Variants in ZFYVE9 observed in about 807,000 individuals in gnomAD.
ZFYVE9 encodes the protein zinc finger FYVE-type containing 9.
In ZFYVE9, 43 loss-of-function variants were observed where a neutral mutation model predicts 126.7. The observed-to-expected ratio is 0.34, with a 90% CI of 0.27 to 0.44. The LOEUF (loss-of-function observed/expected upper bound fraction) is 0.44, where lower values mean the gene tolerates loss of function less well. Among genes scored for constraint, ZFYVE9 ranks in the 20% least tolerant of loss-of-function variants. ZFYVE9 has a pLI of 1.00. For synonymous variants in ZFYVE9, 521 were observed against 597.4 expected (o/e 0.87, Z 1.87); for missense variants, 1,476 against 1,697.0 (o/e 0.87, Z 2.29).
intron 1 of ZFYVE9, among the ~76,000 whole-genome samples, chr1:52,199,271 G>T (rs965070746): frequency 2.0e-5 from 3 of 152,080 alleles, no homozygotes; most frequent in African/African-American, 4.8e-5. Flanking sequence ...GTTTCACCGT[G>T]TTAGGATGGT....
chr1:52,237,434 TA>T (rs1645283028), intron 3 of ZFYVE9, 53 bp from the exon 4 acceptor site: 2 of 1,444,452 alleles, frequency 1.4e-6, no homozygotes, highest in African/African-American at 2.8e-5. Flanking sequence ...AACTTAGTCA[TA>T]AGCTTTTCCA....
At position 52,274,670 on chromosome 1, in the gene ZFYVE9, A is replaced by G; in HGVS notation, c.2746+86A>G. 2.2e-6 allele frequency: 3 copies of G among 1,387,452 alleles called. No homozygotes were observed. In the South Asian group the frequency reaches 5.3e-5, roughly 25 times the overall value. 85.9% of individuals were successfully genotyped at this position (1,387,452 alleles called of 1,614,324 possible). A position where few individuals can be genotyped will look rare whatever the true frequency, so the allele number is the denominator to read the frequency against. Reference sequence around the variant, plus strand: ...AAGGTAGAGAGACAGAATTTGAGTGACATTCACCTTTCTCTTATCCAACAA... The same window carrying G: ...AAGGTAGAGAGACAGAATTTGAGTGGCATTCACCTTTCTCTTATCCAACAA... On this transcript the variant is annotated intron_variant, in intron 8 of 18. Transcript: ENST00000287727.
intron 1 of ZFYVE9, among the ~76,000 whole-genome samples, chr1:52,212,613 T>G (rs890283658): frequency 2.6e-5 from 4 of 152,212 alleles, no homozygotes; most frequent in African/African-American, 9.6e-5. Flanking sequence ...GTGATGAAAT[T>G]AGGAACTTCT....
At chr1:52,222,422 A>G (rs1053909458) in intron 2 of ZFYVE9, among the ~76,000 whole-genome samples, 12 of 152,174 alleles carry the variant, frequency 7.9e-5, no homozygotes, top group African/African-American at 2.2e-4. Flanking sequence ...ATCTATCACC[A>G]TGAACCATTG....
At chr1:52,293,212 A>G (rs1645939997) in intron 10 of ZFYVE9, among the ~76,000 whole-genome samples, 1 of 151,830 alleles carries the variant, frequency 6.6e-6, no homozygotes, top group South Asian at 2.1e-4. Flanking sequence ...CCCCGTCTCC[A>G]CTAAAAATAC....
chr1:52,255,961 T>TTCTTTTCTTTTCTTG, intron 4 of ZFYVE9, among the ~76,000 whole-genome samples: 1 of 91,368 alleles, frequency 1.1e-5, no homozygotes, highest in Admixed American at 1.0e-4. Flanking sequence ...TTCTTTTCTT[T>TTCTTTTCTTTTCTTG]TCTTTTCTTT....
intron 1 of ZFYVE9, among the ~76,000 whole-genome samples, chr1:52,195,479 A>G (rs1404652982): frequency 2.6e-5 from 4 of 152,192 alleles, no homozygotes; most frequent in Admixed American, 2.0e-4. Flanking sequence ...GGTGCCAGCA[A>G]TGCAACAAAG....
At position 52,237,613 on chromosome 1, in the gene ZFYVE9, C is replaced by T. The variant is rs764628389; in HGVS notation, c.196C>T (p.Gln66Ter). ...TGAATCTGCAGTTTCTAATGAGTCA[C>T]AACCACAACTGAAAGTCTTCTCCCT... The part of the protein sequence containing the change: ...VNESAVSNES[Q>*]PQLKVFSLAH... The change falls in exon 4 of 19, where the codon CAA becomes TAA. Residue 66 changes from glutamine to a stop codon, truncating the protein, a stop_gained. Coordinates refer to ENST00000287727, the MANE Select transcript of ZFYVE9 (RefSeq NM_004799.4). LOFTEE classifies it high-confidence loss of function. 1 of 1,614,092 alleles carries T rather than the reference C, an allele frequency of 6.2e-7. No individual in the cohort carries two copies.
intron 1 of ZFYVE9, among the ~76,000 whole-genome samples, chr1:52,144,646 A>G (rs933347037): frequency 1.7e-4 from 22 of 127,804 alleles, no homozygotes; most frequent in Non-Finnish European, 3.4e-4. Flanking sequence ...TTTTTTTTTT[A>G]CTTCCTTGCA....
At chr1:52,279,541 G>T (rs1645781801) in intron 9 of ZFYVE9, among the ~76,000 whole-genome samples, 1 of 152,106 alleles carries the variant, frequency 6.6e-6, no homozygotes, top group South Asian at 2.1e-4. Flanking sequence ...TCTGTTCATT[G>T]CAACCTCTGC....
rs191885052 is a variant in ZFYVE9 at position 52,229,472 on chromosome 1, A to T, written c.-36-3699A>T. On this transcript the variant is annotated intron_variant, in intron 2 of 18. Coordinates refer to ENST00000287727, the MANE Select transcript of ZFYVE9 (RefSeq NM_004799.4). ...GGAATGATAATGTGAGGTACTGTGA[A>T]TAGTTTCTTCCCCAATAATAATTTA... is the stretch of plus-strand genomic sequence containing the variant. Among the ~76,000 whole-genome samples the T allele has an allele frequency of 5.3e-5, 8 of 152,334 alleles. No homozygotes were observed. In the East Asian group the frequency reaches 1.3e-3, roughly 26 times the overall value.
chr1:52,150,236 T>TGGTGACCTCCTGAGAGGG (rs765432232), intron 1 of ZFYVE9: 1 of 152,114 alleles, frequency 6.6e-6, no homozygotes, highest in South Asian at 2.1e-4. Context: ...GGCATCAGTA[T>TGGTGACCTCCTGAGAGGG]GGTGACCTCC....
intron 2 of ZFYVE9, among the ~76,000 whole-genome samples, chr1:52,219,651 T>C (rs911740783): frequency 5.9e-5 from 9 of 151,844 alleles, no homozygotes; most frequent in African/African-American, 2.2e-4. Flanking sequence ...AGACCAAATA[T>C]ATATATTTTT....
intron 16 of ZFYVE9, among the ~76,000 whole-genome samples, chr1:52,338,959 G>A (rs1268903469): frequency 1.3e-5 from 2 of 152,154 alleles, no homozygotes; most frequent in Non-Finnish European, 2.9e-5. Context: ...TCGGTGAGCC[G>A]AGATCATGCC....
At position 52,239,190 on chromosome 1, in the gene ZFYVE9, T is replaced by A. The variant is rs1382540942; in HGVS notation, c.1773T>A (p.Ile591=). The stretch of plus-strand genomic sequence containing the variant: ...AACCTTCTAATCTTAAACTTCAAAT[T>A]CCAAAGCCATTATCAGACCATTTAC... ...PKQPSNLKLQ[I]PKPLSDHLQN... Residue 591 remains isoleucine, a synonymous_variant, in exon 4 of 19, where the codon ATT becomes ATA. Coordinates refer to ENST00000287727, the MANE Select transcript of ZFYVE9 (RefSeq NM_004799.4). The A allele has an allele frequency of 6.2e-7, 1 of 1,613,914 alleles. No individual in the cohort carries two copies. The highest frequency in any genetic ancestry group is 1.7e-5 in the Admixed American group (1 of 59,954).
chr1:52,171,039 T>C (rs1644563176), intron 1 of ZFYVE9, among the ~76,000 whole-genome samples: 1 of 152,082 alleles, frequency 6.6e-6, no homozygotes, highest in South Asian at 2.1e-4. Context: ...TTAGGGTACA[T>C]GTACACAATG....
chr1:52,248,016 A>T (rs1311843059), intron 4 of ZFYVE9, among the ~76,000 whole-genome samples: 1 of 152,178 alleles, frequency 6.6e-6, no homozygotes, highest in Non-Finnish European at 1.5e-5. Flanking sequence ...ATATATAGAT[A>T]TATATATATG....
In ZFYVE9 at chr1:52,217,015, A is replaced by G. The variant is rs181071234; in HGVS notation, c.-37+541A>G. On this transcript the variant is annotated intron_variant, in intron 2 of 18. Coordinates refer to ENST00000287727, the MANE Select transcript of ZFYVE9 (RefSeq NM_004799.4). Reference sequence around the variant, plus strand: ...GATTATTTAAGGGTGTGAACCCCCAATATCTGTGTTGGAAACAAGTGCTTG... The same window carrying G: ...GATTATTTAAGGGTGTGAACCCCCAGTATCTGTGTTGGAAACAAGTGCTTG... Among the ~76,000 whole-genome samples the G allele has an allele frequency of 1.1e-4, 17 of 152,312 alleles. 1 individual carries two copies. The highest frequency in any genetic ancestry group is 3.9e-4 in the Admixed American group (6 of 15,300).
chr1:52,196,596 C>A (rs1453459952), intron 1 of ZFYVE9, among the ~76,000 whole-genome samples: 2 of 152,122 alleles, frequency 1.3e-5, no homozygotes, highest in African/African-American at 4.8e-5. Flanking sequence ...AAGATCACAC[C>A]ATTGCACTCT....
Sources: gnomAD v4.1 joint callset for allele counts (sites outside exome capture counted in the v4.1 genomes callset) on GRCh38, gnomAD v4.1.1 for gene constraint, MANE v1.5 for transcripts, NCBI Gene and HGNC (gene_info 2026-07-23, HGNC 2026-07-21) for gene names.